Variants in ROBO2 observed in about 807,000 individuals in gnomAD.
ROBO2 encodes roundabout guidance receptor 2.
In ROBO2, 53 loss-of-function variants were observed where a neutral mutation model predicts 160.8. That is an observed-to-expected ratio of 0.33 (90% confidence interval 0.26 to 0.41). The LOEUF is 0.41. Among genes scored for constraint, ROBO2 ranks in the 10% least tolerant of loss-of-function variants. The pLI is 1.00. For missense variants in ROBO2, 1,577 were observed against 1,722.4 expected (o/e 0.92, Z 1.49); for synonymous variants, 664 against 611.7 (o/e 1.09, Z -1.26).
At chr3:77,295,805 C>G (rs2062019157) in intron 2 of ROBO2, among the ~76,000 whole-genome samples, 3 of 149,424 alleles carry the variant, frequency 2.0e-5, no homozygotes, top group Admixed American at 1.3e-4. Context: ...TAAGCTGAGG[C>G]TAGAGCACTA....
intron 5 of ROBO2, among the ~76,000 whole-genome samples, chr3:77,514,362 T>G (rs1434529743): frequency 2.0e-5 from 3 of 151,778 alleles, no homozygotes; most frequent in Non-Finnish European, 4.4e-5. Flanking sequence ...AGAGGAATAT[T>G]GAGAAAAAAT....
chr3:77,348,466 A>G (rs6769090), intron 2 of ROBO2, among the ~76,000 whole-genome samples: 118,414 of 151,830 alleles, frequency 0.78, 46,957 homozygotes, highest in Non-Finnish European at 0.86. Context: ...CTTCTTTACC[A>G]CAAGCTGTTT....
intron 2 of ROBO2, among the ~76,000 whole-genome samples, chr3:76,791,741 T>C (rs1576639547): frequency 6.6e-6 from 1 of 151,722 alleles, no homozygotes; most frequent in African/African-American, 2.4e-5. Flanking sequence ...GCCGATAAAT[T>C]TGGGGTGCAA....
At chr3:77,617,474 A>C in intron 21 of ROBO2, 39 bp from the exon 23 acceptor site, 1 of 1,612,424 alleles carries the variant, frequency 6.2e-7, no homozygotes, top group Non-Finnish European at 8.5e-7. Context: ...GTGTATATGT[A>C]TTTGTGTCAA....
chr3:76,259,433 T>A (rs1706602186), intron 2 of ROBO2, among the ~76,000 whole-genome samples: 1 of 152,098 alleles, frequency 6.6e-6, no homozygotes, highest in Admixed American at 6.6e-5. Context: ...TCACAAATGT[T>A]TATTCAAATC....
At chr3:77,521,934 C>A (rs2090638301) in intron 5 of ROBO2, among the ~76,000 whole-genome samples, 1 of 150,950 alleles carries the variant, frequency 6.6e-6, no homozygotes, top group Non-Finnish European at 1.5e-5. Flanking sequence ...GGAAGAGAAG[C>A]AAGGTGGCCA....
chr3:77,124,476 T>C (rs2075125649), intron 2 of ROBO2, among the ~76,000 whole-genome samples: 1 of 152,210 alleles, frequency 6.6e-6, no homozygotes, highest in South Asian at 2.1e-4. Flanking sequence ...ATGCCAGGCA[T>C]AGATATTTCG....
At chr3:75,923,518 G>C (rs1046464949) in intron 1 of ROBO2, among the ~76,000 whole-genome samples, 1 of 152,170 alleles carries the variant, frequency 6.6e-6, no homozygotes, top group African/African-American at 2.4e-5. Context: ...TGTCACCACT[G>C]CATACTAAGG....
At chr3:77,549,676 T>C (rs1177365639) in intron 7 of ROBO2, among the ~76,000 whole-genome samples, 1 of 151,980 alleles carries the variant, frequency 6.6e-6, no homozygotes, top group Non-Finnish European at 1.5e-5. Context: ...CAGGACATCA[T>C]TTGCAGGATT....
At chr3:76,999,309 G>C (rs764695714) in intron 2 of ROBO2, among the ~76,000 whole-genome samples, 2 of 151,880 alleles carry the variant, frequency 1.3e-5, no homozygotes, top group Admixed American at 6.6e-5. Context: ...AGTAAGAGAG[G>C]GCACTCAAGG....
chr3:76,384,130 C>A (rs559697625), intron 2 of ROBO2, among the ~76,000 whole-genome samples: 1 of 152,162 alleles, frequency 6.6e-6, no homozygotes, highest in Non-Finnish European at 1.5e-5. Flanking sequence ...CTTTGCCAAC[C>A]GCACAGTCAT....
intron 2 of ROBO2, among the ~76,000 whole-genome samples, chr3:76,233,763 G>T (rs1704766332): frequency 6.6e-6 from 1 of 152,138 alleles, no homozygotes; most frequent in Admixed American, 6.5e-5. Context: ...AAAAGGTTTA[G>T]ATTCAAACAA....
intron 1 of ROBO2, among the ~76,000 whole-genome samples, chr3:75,917,265 A>G (rs953827672): frequency 1.3e-5 from 2 of 151,862 alleles, no homozygotes; most frequent in African/African-American, 4.8e-5. Flanking sequence ...TTCAGCTCCC[A>G]CTTATGAGTG....
intron 2 of ROBO2, among the ~76,000 whole-genome samples, chr3:77,229,423 C>T (rs1315714921): frequency 6.6e-6 from 1 of 151,796 alleles, no homozygotes; most frequent in African/African-American, 2.4e-5. Flanking sequence ...TGGCTCATGC[C>T]TGTAATCTTA....
At chr3:77,146,190 C>T (rs371586395) in intron 2 of ROBO2, among the ~76,000 whole-genome samples, 44 of 152,296 alleles carry the variant, frequency 2.9e-4, no homozygotes, top group African/African-American at 1.0e-3. Flanking sequence ...CATGTACCTC[C>T]TGCCTGCTCA....
At chr3:77,472,566 T>C (rs2083462561) in intron 2 of ROBO2, among the ~76,000 whole-genome samples, 1 of 152,168 alleles carries the variant, frequency 6.6e-6, no homozygotes, top group African/African-American at 2.4e-5. Context: ...ATATGTGTTT[T>C]CCAGCTCACA....
At chr3:76,131,549 A>G (rs1304715052) in intron 2 of ROBO2, among the ~76,000 whole-genome samples, 2 of 152,104 alleles carry the variant, frequency 1.3e-5, no homozygotes, top group African/African-American at 4.8e-5. Context: ...GTGGTGAGGG[A>G]GTAGTTCCCT....
intron 2 of ROBO2, among the ~76,000 whole-genome samples, chr3:76,642,508 A>G (rs1245189581): frequency 6.6e-6 from 1 of 151,238 alleles, no homozygotes; most frequent in Non-Finnish European, 1.5e-5. Context: ...ATGCGCCACC[A>G]CGCCCTGCCA....
At chr3:76,063,306 C>T (rs758390203) in intron 2 of ROBO2, among the ~76,000 whole-genome samples, 8 of 150,196 alleles carry the variant, frequency 5.3e-5, no homozygotes, top group Non-Finnish European at 1.2e-4. Flanking sequence ...AGAGCATAGG[C>T]GTTGCTCTAA....
Sources: allele counts gnomAD v4.1 joint callset (sites outside exome capture counted in the v4.1 genomes callset), GRCh38; gene constraint gnomAD v4.1.1; transcripts MANE v1.5; gene names NCBI Gene and HGNC (gene_info 2026-07-23, HGNC 2026-07-21).